Variants in PTPN3 observed in about 807,000 individuals in gnomAD.
PTPN3 encodes the protein tyrosine-protein phosphatase non-receptor type 3.
Under a neutral mutation model 132.7 loss-of-function variants are expected in PTPN3, and 96 were observed. The ratio of observed to expected loss-of-function variants is 0.72; its 90% CI spans 0.61 to 0.86. The LOEUF is 0.86. PTPN3 is among the 40% of genes least tolerant of loss of function. The pLI, the probability that PTPN3 is intolerant of heterozygous loss-of-function variation, is 0.00. For synonymous variants in PTPN3, 398 were observed against 429.0 expected (o/e 0.93, Z 0.89); for missense variants, 1,125 against 1,159.6 (o/e 0.97, Z 0.43).
intron 19 of PTPN3, among the ~76,000 whole-genome samples, chr9:109,395,043 G>A (rs1225933946): frequency 1.3e-5 from 2 of 152,010 alleles, no homozygotes; most frequent in African/African-American, 4.8e-5. Flanking sequence ...GGGAGGCTGA[G>A]GCAGGAGAAT....
At chr9:109,391,416 A>G in intron 20 of PTPN3, 55 bp downstream of exon 20, 1 of 1,525,780 alleles carries the variant, frequency 6.6e-7, no homozygotes, top group South Asian at 1.2e-5. Flanking sequence ...TGTTTTAAAA[A>G]GGGAAACATT....
At chr9:109,517,338 C>T in the PTPN3 span, among the ~76,000 whole-genome samples, 5 of 152,092 alleles carry the variant, frequency 3.3e-5, no homozygotes, top group Non-Finnish European at 5.9e-5. Context: ...TTGAGGTCCC[C>T]CAGGCCTGGG....
the PTPN3 span, among the ~76,000 whole-genome samples, chr9:109,527,405 G>A: frequency 1.3e-5 from 2 of 152,186 alleles, no homozygotes; most frequent in East Asian, 3.9e-4. Context: ...AGGTTGCAGG[G>A]AGCAGAGATT....
At chr9:109,403,085 A>G (rs1056611520) in intron 19 of PTPN3, among the ~76,000 whole-genome samples, 3 of 152,156 alleles carry the variant, frequency 2.0e-5, no homozygotes, top group Non-Finnish European at 4.4e-5. Context: ...AAATAAATAA[A>G]TATATTAATT....
chr9:109,492,532 C>T (rs1847510432), intron 1 of PTPN3, among the ~76,000 whole-genome samples: 1 of 152,164 alleles, frequency 6.6e-6, no homozygotes, highest in South Asian at 2.1e-4. Context: ...TTTTCTATGC[C>T]AAGTTTTGCC....
chr9:109,446,001 C>T (rs1844828362), intron 6 of PTPN3, among the ~76,000 whole-genome samples: 3 of 152,198 alleles, frequency 2.0e-5, no homozygotes, highest in African/African-American at 7.2e-5. Context: ...CTGCCAATGA[C>T]TCCACCTCTG....
chr9:109,531,005 C>T, the PTPN3 span, among the ~76,000 whole-genome samples: 69 of 152,242 alleles, frequency 4.5e-4, no homozygotes, highest in Admixed American at 6.5e-4. Context: ...TATTTTATCC[C>T]ATTCTCTGAG....
chr9:109,409,517 C>T (rs1337385474), intron 16 of PTPN3, among the ~76,000 whole-genome samples: 1 of 152,028 alleles, frequency 6.6e-6, no homozygotes, highest in African/African-American at 2.4e-5. Flanking sequence ...GCTGTTAAGG[C>T]CACATTAAAA....
intron 6 of PTPN3, among the ~76,000 whole-genome samples, chr9:109,446,397 T>A (rs971347444): frequency 6.6e-6 from 1 of 152,136 alleles, no homozygotes; most frequent in African/African-American, 2.4e-5. Context: ...GCATATGAAG[T>A]CGACTTTCCC....
intron 12 of PTPN3, among the ~76,000 whole-genome samples, chr9:109,426,317 T>C (rs1564428104): frequency 6.7e-6 from 1 of 149,862 alleles, no homozygotes; most frequent in Admixed American, 6.7e-5. Context: ...CATAAATATA[T>C]ATAAATTTAC....
At chr9:109,490,972 C>T (rs1370836315) in intron 1 of PTPN3, among the ~76,000 whole-genome samples, 1 of 150,894 alleles carries the variant, frequency 6.6e-6, no homozygotes, top group Non-Finnish European at 1.5e-5. Flanking sequence ...CTGAGACAGG[C>T]AGATCACTTG....
At chr9:109,434,580 T>C (rs1843893187) in intron 9 of PTPN3, among the ~76,000 whole-genome samples, 1 of 152,164 alleles carries the variant, frequency 6.6e-6, no homozygotes, top group African/African-American at 2.4e-5. Flanking sequence ...AGTGCTGGGG[T>C]TAAAGGCGTG....
At chr9:109,466,866 G>A (rs185027438) in intron 1 of PTPN3, among the ~76,000 whole-genome samples, 91 of 152,264 alleles carry the variant, frequency 6.0e-4, no homozygotes, top group African/African-American at 2.1e-3. Flanking sequence ...AGGGGGCACC[G>A]GTTAGGTGTA....
At chr9:109,482,191 A>G (rs1404871159) in intron 1 of PTPN3, among the ~76,000 whole-genome samples, 1 of 152,226 alleles carries the variant, frequency 6.6e-6, no homozygotes, top group Non-Finnish European at 1.5e-5. Context: ...AAGTAATTCC[A>G]TTTCTAGGAA....
chr9:109,538,280 G>T, the PTPN3 span, among the ~76,000 whole-genome samples: 1 of 152,016 alleles, frequency 6.6e-6, no homozygotes, highest in African/African-American at 2.4e-5. Flanking sequence ...CCACCATGAT[G>T]CTGTTGGACT....
chr9:109,380,149 A>G (rs1254034200), intron 25 of PTPN3, among the ~76,000 whole-genome samples: 1 of 152,204 alleles, frequency 6.6e-6, no homozygotes, highest in African/African-American at 2.4e-5. Flanking sequence ...ATACCTAAGA[A>G]ACATATTGTA....
At chr9:109,454,633 G>A (rs939742134) in intron 4 of PTPN3, 59 bp from the exon 5 acceptor site, 30 of 1,371,050 alleles carry the variant, frequency 2.2e-5, no homozygotes, top group Non-Finnish European at 4.2e-6. Context: ...ATGTATGTAA[G>A]TTGCTTCTCT....
At chr9:109,534,414 G>A in the PTPN3 span, 1 of 1,421,752 alleles carries the variant, frequency 7.0e-7, no homozygotes, top group South Asian at 1.5e-5. Flanking sequence ...CAGCGGTGGT[G>A]GTGGGGCTGC....
chr9:109,449,934 ACTT>A (rs748587778), intron 5 of PTPN3: 28 of 985,234 alleles, frequency 2.8e-5, no homozygotes, highest in Non-Finnish European at 3.4e-5. Flanking sequence ...ACATGGTACT[ACTT>A]TGTAACTTTC....
Sources: allele counts gnomAD v4.1 joint callset (sites outside exome capture counted in the v4.1 genomes callset), GRCh38; gene constraint gnomAD v4.1.1; transcripts MANE v1.5; gene names NCBI Gene and HGNC (gene_info 2026-07-23, HGNC 2026-07-21).